UTS2: variants seen among roughly 807,000 people sequenced by gnomAD.
The protein encoded by UTS2 is urotensin-2.
UTS2 carries 10 observed loss-of-function variants against 12.6 expected under a neutral mutation model. That is an observed-to-expected ratio of 0.80 (90% CI 0.49 to 1.35). UTS2 has a LOEUF of 1.35. Among genes scored for constraint, UTS2 ranks in the 40% most tolerant of loss-of-function variants. UTS2 has a pLI of 0.00. For missense variants in UTS2, 142 were observed against 143.2 expected, an observed-to-expected ratio of 0.99 and a Z score of 0.04; for synonymous variants, 52 against 50.0, an observed-to-expected ratio of 1.04 and a Z score of -0.17.
At chr1:7,881,975 A>G in the UTS2 span, among the ~76,000 whole-genome samples, 2 of 152,234 alleles carry the variant, frequency 1.3e-5, no homozygotes, top group Non-Finnish European at 2.9e-5. Context: ...ATAAATCCGT[A>G]TATTCACAGC....
At chr1:7,898,914 A>G in the UTS2 span, among the ~76,000 whole-genome samples, 4 of 152,138 alleles carry the variant, frequency 2.6e-5, no homozygotes, top group Non-Finnish European at 5.9e-5. Flanking sequence ...ACACTGCTAT[A>G]AAGAAATGCC....
At chr1:7,906,841 A>T in the UTS2 span, among the ~76,000 whole-genome samples, 1 of 152,200 alleles carries the variant, frequency 6.6e-6, no homozygotes, top group Non-Finnish European at 1.5e-5. Flanking sequence ...AAGAGTCTCT[A>T]GTGAAGCTGT....
the UTS2 span, among the ~76,000 whole-genome samples, chr1:7,908,556 A>G: frequency 2.6e-5 from 4 of 151,366 alleles, no homozygotes; most frequent in East Asian, 3.9e-4. Context: ...GACACCAGCT[A>G]CACAAGCTTG....
chr1:7,892,468 T>C, the UTS2 span, among the ~76,000 whole-genome samples: 12 of 122,924 alleles, frequency 9.8e-5, no homozygotes, highest in Non-Finnish European at 5.0e-5. Flanking sequence ...TCCTCATGCA[T>C]GTTTTTTTTT....
chr1:7,874,761 C>T, the UTS2 span, among the ~76,000 whole-genome samples: 3 of 152,318 alleles, frequency 2.0e-5, no homozygotes, highest in East Asian at 5.8e-4. Flanking sequence ...GTAATCCCCA[C>T]GTGTCAGGGG....
At chr1:7,883,764 G>C in the UTS2 span, among the ~76,000 whole-genome samples, 1 of 152,052 alleles carries the variant, frequency 6.6e-6, no homozygotes, top group African/African-American at 2.4e-5. Context: ...TCAACATCAA[G>C]GTAAGAACTT....
At chr1:7,904,711 C>T in the UTS2 span, among the ~76,000 whole-genome samples, 1 of 151,886 alleles carries the variant, frequency 6.6e-6, no homozygotes, top group Non-Finnish European at 1.5e-5. Context: ...TCAAGACCAG[C>T]CTGGCCAACA....
chr1:7,853,212 T>C, upstream of UTS2: 1 of 1,565,074 alleles, frequency 6.4e-7, no homozygotes, highest in Non-Finnish European at 8.7e-7. Context: ...TAACAAGTCA[T>C]AGACAATAAA....
At chr1:7,893,294 G>A in the UTS2 span, among the ~76,000 whole-genome samples, 1 of 152,226 alleles carries the variant, frequency 6.6e-6, no homozygotes, top group South Asian at 2.1e-4. Context: ...CTTGAGCCAG[G>A]AGTTTGAGGT....
chr1:7,889,077 T>A, the UTS2 span, among the ~76,000 whole-genome samples: 1 of 151,250 alleles, frequency 6.6e-6, no homozygotes, highest in African/African-American at 2.4e-5. Flanking sequence ...GGCAGTGGAC[T>A]TTTTGATGAA....
At chr1:7,875,612 C>T in the UTS2 span, among the ~76,000 whole-genome samples, 1 of 152,100 alleles carries the variant, frequency 6.6e-6, no homozygotes. Flanking sequence ...CACCCACTGA[C>T]CACAACCGCC....
At chr1:7,875,056 T>TTTCTTTA in the UTS2 span, among the ~76,000 whole-genome samples, 1 of 12,686 alleles carries the variant, frequency 7.9e-5, no homozygotes, top group African/African-American at 9.3e-4. Context: ...TTTTTCTTTA[T>TTTCTTTA]TTTTTTTTTC....
the UTS2 span, among the ~76,000 whole-genome samples, chr1:7,888,419 C>T: frequency 6.6e-6 from 1 of 152,180 alleles, no homozygotes; most frequent in Non-Finnish European, 1.5e-5. Context: ...CAGGTTCAAC[C>T]TCTGATGCGT....
the UTS2 span, among the ~76,000 whole-genome samples, chr1:7,907,927 C>T: frequency 1.3e-5 from 2 of 151,648 alleles, no homozygotes; most frequent in Non-Finnish European, 2.9e-5. Flanking sequence ...TCTGGGAGGC[C>T]GAGGCAAGCA....
chr1:7,890,814 G>T, the UTS2 span, among the ~76,000 whole-genome samples: 1 of 137,128 alleles, frequency 7.3e-6, no homozygotes, highest in Non-Finnish European at 1.5e-5. Flanking sequence ...AAGGATCACA[G>T]CACTGCAATC....
the UTS2 span, among the ~76,000 whole-genome samples, chr1:7,907,035 G>A: frequency 6.6e-6 from 1 of 151,190 alleles, no homozygotes; most frequent in Admixed American, 6.6e-5. Flanking sequence ...AGGATCACCT[G>A]AGGTTGGGAG....
At position 7,850,839 on chromosome 1, in the gene UTS2, C is replaced by G. The variant is rs891005798; in HGVS notation, c.187G>C (p.Glu63Gln). 1.9e-6 allele frequency: 3 copies of G among 1,614,120 alleles called. No homozygotes were observed. Among genetic ancestry groups the G allele is most frequent in the African/African-American group, 2.7e-5 (2 of 74,940 alleles). Residue 63 changes from glutamate to glutamine, a missense_variant, in exon 2 of 4, where the codon GAA becomes CAA. Glu to Gln is a conservative substitution (Grantham distance 29). Transcript: ENST00000361696. ...LQILPEMLGAERGDILRKADS... is the reference protein window; with the variant it reads ...LQILPEMLGAQRGDILRKADS... ...GCTTTCCTGAGAATATCCCCTCTTTCTGCACCCAGCATCTCTGGCAGTATC... is the reference window on the plus strand; with the variant it reads ...GCTTTCCTGAGAATATCCCCTCTTTGTGCACCCAGCATCTCTGGCAGTATC...
the UTS2 span, among the ~76,000 whole-genome samples, chr1:7,883,647 A>G: frequency 6.6e-6 from 1 of 152,186 alleles, no homozygotes; most frequent in Non-Finnish European, 1.5e-5. Context: ...TATCACATGT[A>G]CTGATAAATA....
chr1:7,899,730 G>A, the UTS2 span, among the ~76,000 whole-genome samples: 4 of 152,168 alleles, frequency 2.6e-5, no homozygotes, highest in African/African-American at 9.7e-5. Flanking sequence ...AACGTAAGAA[G>A]TTATCCCACA....
Sources: allele counts gnomAD v4.1 joint callset (sites outside exome capture counted in the v4.1 genomes callset), GRCh38; gene constraint gnomAD v4.1.1; transcripts MANE v1.5; gene names NCBI Gene and HGNC (gene_info 2026-07-23, HGNC 2026-07-21).